The following LRP1B variants were observed in gnomAD, a reference collection of about 807,000 sequenced individuals.
The protein encoded by LRP1B is low-density lipoprotein receptor-related protein 1B.
Under a neutral mutation model 556.6 loss-of-function variants are expected in LRP1B, and 217 were observed. That is an observed-to-expected ratio of 0.39 (90% confidence interval 0.35 to 0.44). The LOEUF is 0.44. Among genes scored for constraint, LRP1B ranks in the 20% least tolerant of loss-of-function variants. The pLI, the probability that LRP1B is intolerant of heterozygous loss-of-function variation, is 1.00. For missense variants in LRP1B, 5,053 were observed against 5,620.8 expected (o/e 0.90, Z 3.23); for synonymous variants, 2,047 against 1,865.8 (o/e 1.10, Z -2.50).
intron 2 of LRP1B, among the ~76,000 whole-genome samples, chr2:141,571,833 G>T (rs148851356): frequency 6.6e-5 from 10 of 152,168 alleles, no homozygotes; most frequent in Non-Finnish European, 1.0e-4. Context: ...AGATATCATA[G>T]CCTGAAGACC....
chr2:141,936,073 C>A (rs1248799419), intron 1 of LRP1B, among the ~76,000 whole-genome samples: 1 of 152,092 alleles, frequency 6.6e-6, no homozygotes, highest in African/African-American at 2.4e-5. Context: ...AGGAATTTCT[C>A]TAAACAGATA....
intron 41 of LRP1B, among the ~76,000 whole-genome samples, chr2:140,604,788 A>T (rs1433968779): frequency 6.6e-6 from 1 of 151,738 alleles, no homozygotes; most frequent in East Asian, 1.9e-4. Flanking sequence ...AGTCGGGGGT[A>T]ATTGAATCAC....
intron 6 of LRP1B, among the ~76,000 whole-genome samples, chr2:141,205,729 C>T (rs1055950154): frequency 1.8e-4 from 28 of 152,032 alleles, no homozygotes; most frequent in Non-Finnish European, 2.9e-4. Context: ...TAGAGAAAAG[C>T]CTTATTTTTC....
At chr2:141,880,436 T>A (rs907957761) in intron 1 of LRP1B, among the ~76,000 whole-genome samples, 29 of 151,872 alleles carry the variant, frequency 1.9e-4, no homozygotes, top group Non-Finnish European at 4.0e-4. Context: ...ATAAAAACTA[T>A]ATATAAATGA....
chr2:141,246,589 T>C (rs1306332817), intron 5 of LRP1B, among the ~76,000 whole-genome samples: 2 of 152,186 alleles, frequency 1.3e-5, no homozygotes, highest in African/African-American at 4.8e-5. Flanking sequence ...GTTAGGAAAC[T>C]ATCATAGTAG....
chr2:141,826,445 C>T (rs1403628397), intron 1 of LRP1B, among the ~76,000 whole-genome samples: 1 of 150,344 alleles, frequency 6.7e-6, no homozygotes, highest in Admixed American at 6.6e-5. Context: ...CTGCAAGCTC[C>T]GCCTCCTGGG....
chr2:142,082,305 A>T (rs1255665151), intron 1 of LRP1B, among the ~76,000 whole-genome samples: 1 of 152,204 alleles, frequency 6.6e-6, no homozygotes, highest in Non-Finnish European at 1.5e-5. Flanking sequence ...CACAGGCAAG[A>T]TGAATCAAAC....
In LRP1B at chr2:140,813,654, T is replaced by C. The variant is rs905161915; in HGVS notation, c.5359+3A>G. The C allele has an allele frequency of 1.2e-6, 2 of 1,612,704 alleles. No homozygotes were observed. The highest frequency in any genetic ancestry group is 2.7e-5 in the African/African-American group (2 of 74,864). On this transcript the variant is annotated splice_donor_region_variant and intron_variant, in intron 32 of 90. Coordinates refer to ENST00000389484, the MANE Select transcript of LRP1B (RefSeq NM_018557.3). Reference sequence around the variant, plus strand: ...AACCAAGCTATAGAATAATTTCACTTACCCATGATGGTTAGGGCTGTAGCT... The same window carrying C: ...AACCAAGCTATAGAATAATTTCACTCACCCATGATGGTTAGGGCTGTAGCT...
intron 60 of LRP1B, among the ~76,000 whole-genome samples, chr2:140,465,652 A>G (rs551355700): frequency 2.8e-4 from 43 of 152,140 alleles, no homozygotes; most frequent in Middle Eastern, 6.8e-3. Flanking sequence ...AAAATGACTG[A>G]AAACTCAAAT....
intron 68 of LRP1B, among the ~76,000 whole-genome samples, chr2:140,373,396 G>C (rs1324593127): frequency 6.6e-6 from 1 of 152,038 alleles, no homozygotes; most frequent in South Asian, 2.1e-4. Context: ...AAGTGGCTCA[G>C]ATGCTAATAT....
intron 3 of LRP1B, among the ~76,000 whole-genome samples, chr2:141,279,572 C>T (rs1685433616): frequency 6.6e-6 from 1 of 152,018 alleles, no homozygotes. Context: ...TTCTCCAGTA[C>T]CCCCAGGGCC....
At chr2:141,358,412 G>A (rs957805969) in intron 3 of LRP1B, among the ~76,000 whole-genome samples, 1 of 152,176 alleles carries the variant, frequency 6.6e-6, no homozygotes, top group Admixed American at 6.5e-5. Context: ...GACTGTGAAG[G>A]GTCAGTTATC....
intron 3 of LRP1B, among the ~76,000 whole-genome samples, chr2:141,338,066 G>C (rs1387771734): frequency 2.6e-5 from 4 of 152,146 alleles, no homozygotes; most frequent in Non-Finnish European, 5.9e-5. Context: ...GCCTTCTGTT[G>C]ACTGTGGTTG....
chr2:141,224,871 C>T (rs2105284170), intron 6 of LRP1B, among the ~76,000 whole-genome samples: 1 of 152,060 alleles, frequency 6.6e-6, no homozygotes, highest in Non-Finnish European at 1.5e-5. Flanking sequence ...GAATGTTGGG[C>T]TTAATACTTA....
At chr2:140,564,456 C>A (rs1030261985) in intron 43 of LRP1B, among the ~76,000 whole-genome samples, 14 of 152,018 alleles carry the variant, frequency 9.2e-5, no homozygotes, top group Non-Finnish European at 2.9e-5. Flanking sequence ...CCAGAACTTT[C>A]AGCACACATT....
At chr2:141,220,116 G>A (rs548302309) in intron 6 of LRP1B, among the ~76,000 whole-genome samples, 6 of 152,254 alleles carry the variant, frequency 3.9e-5, no homozygotes, top group East Asian at 1.9e-4. Flanking sequence ...CAGAAGGTGC[G>A]TAATAATGAA....
chr2:140,324,204 A>G, intron 80 of LRP1B, 138 bp from the exon 81 acceptor site: 1 of 521,400 alleles, frequency 1.9e-6, no homozygotes, highest in Non-Finnish European at 3.4e-6. Flanking sequence ...TTACAATATT[A>G]GCTATGAAGT....
chr2:140,645,020 CT>C (rs1487923057), intron 41 of LRP1B, among the ~76,000 whole-genome samples: 1 of 152,078 alleles, frequency 6.6e-6, no homozygotes, highest in Non-Finnish European at 1.5e-5. Flanking sequence ...CGGATTTCCA[CT>C]TTTTCTAATT....
At chr2:140,498,115 AATAAG>A (rs942640414) in intron 55 of LRP1B, among the ~76,000 whole-genome samples, 59 of 152,048 alleles carry the variant, frequency 3.9e-4, no homozygotes, top group African/African-American at 1.3e-3. Context: ...TTTTATAGAA[AATAAG>A]ATTAGAATGT....
Sources: gnomAD v4.1 joint callset for allele counts (sites outside exome capture counted in the v4.1 genomes callset) on GRCh38, gnomAD v4.1.1 for gene constraint, MANE v1.5 for transcripts, NCBI Gene and HGNC (gene_info 2026-07-23, HGNC 2026-07-21) for gene names.